Variants in DGKB observed in about 807,000 individuals in gnomAD.
DGKB encodes 90 kDa diacylglycerol kinase.
A neutral mutation model predicts 114.3 loss-of-function variants in DGKB; 67 were observed. The observed-to-expected ratio is 0.59, with a 90% CI of 0.48 to 0.72. The LOEUF (loss-of-function observed/expected upper bound fraction) is 0.72, where lower values mean the gene tolerates loss of function less well. Among genes scored for constraint, DGKB ranks in the 30% least tolerant of loss-of-function variants. The pLI, the probability that DGKB is intolerant of heterozygous loss-of-function variation, is 0.00. For missense variants in DGKB, 907 were observed against 975.2 expected, an observed-to-expected ratio of 0.93 and a Z score of 0.93; for synonymous variants, 398 against 323.1, an observed-to-expected ratio of 1.23 and a Z score of -2.49.
At chr7:14,625,434 T>C (rs1365103994) in intron 14 of DGKB, among the ~76,000 whole-genome samples, 2 of 152,154 alleles carry the variant, frequency 1.3e-5, no homozygotes. Context: ...TTTCACTAGC[T>C]TTTTTGGGAA....
At chr7:14,622,598 C>G (rs1421571915) in intron 14 of DGKB, among the ~76,000 whole-genome samples, 1 of 152,102 alleles carries the variant, frequency 6.6e-6, no homozygotes, top group East Asian at 1.9e-4. Flanking sequence ...AAATAAATCT[C>G]AAACTGGATG....
rs550852892 is a variant in DGKB at position 14,433,492 on chromosome 7, G to A, written c.1835+44669C>T. On this transcript the variant is annotated intron_variant, in intron 21 of 25. Transcript: ENST00000402815. ...GTTTATTTTCTCTATAGGCAAAAATGGGTAATAAGAAAGCGGAAGTATTCT... is the reference window on the plus strand; with the variant it reads ...GTTTATTTTCTCTATAGGCAAAAATAGGTAATAAGAAAGCGGAAGTATTCT... Among the ~76,000 whole-genome samples, 5 of 152,008 alleles carry A rather than the reference G, an allele frequency of 3.3e-5. No individual in the cohort carries two copies. In the East Asian group the frequency reaches 7.7e-4, roughly 24 times the overall value.
chr7:14,439,742 T>C (rs1829796274), intron 21 of DGKB, among the ~76,000 whole-genome samples: 1 of 151,494 alleles, frequency 6.6e-6, no homozygotes, highest in African/African-American at 2.4e-5. Flanking sequence ...CAGGTGCCTG[T>C]AATCCCAGCT....
rs75469786 is a variant in DGKB at position 14,635,281 on chromosome 7, C to T, written c.1135-5013G>A. On this transcript the variant is annotated intron_variant, in intron 13 of 25. Transcript: ENST00000402815. ...TTTATGTCTATTTGTAGAGTTTTGT[C>T]TGGAGGCTATTGACAAGAAGGGAAC... is the stretch of plus-strand genomic sequence containing the variant. 3.5e-3 allele frequency among the ~76,000 whole-genome samples: 305 copies of T among 87,290 alleles called. 20 individuals are homozygous for T. The highest frequency in any genetic ancestry group is 0.017 in the African/African-American group (280 of 16,436). The allele number at this position is 87,290 out of a possible 152,430, so 57.3% of individuals were successfully genotyped here.
chr7:14,439,076 A>C (rs1829690546), intron 21 of DGKB, among the ~76,000 whole-genome samples: 2 of 152,040 alleles, frequency 1.3e-5, no homozygotes, highest in Non-Finnish European at 2.9e-5. Flanking sequence ...CTCCAACTAA[A>C]GTGTCTTTAC....
chr7:14,445,750 G>T (rs1017836755), intron 21 of DGKB, among the ~76,000 whole-genome samples: 1 of 151,884 alleles, frequency 6.6e-6, no homozygotes, highest in Non-Finnish European at 1.5e-5. Flanking sequence ...AAAAAATAGT[G>T]TCCCTAATAA....
intron 23 of DGKB, among the ~76,000 whole-genome samples, chr7:14,270,048 C>CAA (rs397889901): frequency 0.025 from 1,320 of 52,358 alleles, 6 homozygotes; most frequent in Non-Finnish European, 0.029. Context: ...GCTTTTTTTG[C>CAA]AAAAAAAAAA....
In DGKB at chr7:14,178,167, T is replaced by G; in HGVS notation, c.2123-16A>C. 6.2e-7 allele frequency: 1 copy of G among 1,613,098 alleles called. No homozygotes were observed. Among genetic ancestry groups the G allele is most frequent in the Non-Finnish European group, 8.5e-7 (1 of 1,179,710 alleles). ...TCACTGAGATCTGAAAGAAAGTAGA[T>G]GCCTTTTAAGTTGCAATGTGTATAC... On this transcript the variant is annotated splice_polypyrimidine_tract_variant and intron_variant, in intron 23 of 25. Coordinates refer to ENST00000402815, the MANE Select transcript of DGKB (RefSeq NM_001350709.2).
At chr7:14,273,558 G>T (rs1473662591) in intron 23 of DGKB, among the ~76,000 whole-genome samples, 2 of 152,146 alleles carry the variant, frequency 1.3e-5, no homozygotes, top group Non-Finnish European at 2.9e-5. Flanking sequence ...TTACATTGTT[G>T]TATTGACACA....
intron 20 of DGKB, among the ~76,000 whole-genome samples, chr7:14,562,342 G>A (rs985889694): frequency 6.6e-6 from 1 of 152,192 alleles, no homozygotes; most frequent in East Asian, 1.9e-4. Context: ...GGAAATGTGG[G>A]GTTGGAGCCC....
intron 1 of DGKB, among the ~76,000 whole-genome samples, chr7:14,961,851 C>A (rs996493581): frequency 2.6e-5 from 4 of 152,038 alleles, no homozygotes; most frequent in African/African-American, 9.7e-5. Flanking sequence ...ACTTTGCTAG[C>A]CCCTCTAAAC....
At chr7:14,320,552 CTATATAGTACATATATATATGTGTACA>C (rs1354916675) in intron 23 of DGKB, among the ~76,000 whole-genome samples, 1 of 150,418 alleles carries the variant, frequency 6.6e-6, no homozygotes, top group Non-Finnish European at 1.5e-5. Context: ...CATATATGTA[CTATATAGTACATATATATATGTGTACA>C]TATATAGTAC....
At chr7:14,713,422 C>A (rs1420857610) in intron 6 of DGKB, among the ~76,000 whole-genome samples, 1 of 122,822 alleles carries the variant, frequency 8.1e-6, no homozygotes, top group Non-Finnish European at 1.9e-5. Flanking sequence ...ACTTTAAAAG[C>A]AGAGGTGAAA....
At chr7:14,297,411 A>G (rs923745056) in intron 23 of DGKB, among the ~76,000 whole-genome samples, 3 of 152,178 alleles carry the variant, frequency 2.0e-5, no homozygotes, top group Admixed American at 2.0e-4. Context: ...TACACAAATC[A>G]ATAAACGTAA....
At chr7:14,169,364 C>CAAAAAAAAA (rs35418998) in intron 25 of DGKB, among the ~76,000 whole-genome samples, 1,249 of 65,172 alleles carry the variant, frequency 0.019, 41 homozygotes, top group Non-Finnish European at 0.031. Flanking sequence ...GACTCCGTCT[C>CAAAAAAAAA]AAAAAAAAAA....
chr7:14,643,538 C>A (rs1341547405), intron 13 of DGKB, among the ~76,000 whole-genome samples: 1 of 152,134 alleles, frequency 6.6e-6, no homozygotes, highest in African/African-American at 2.4e-5. Flanking sequence ...AGGCTACAGT[C>A]TCATGAAACC....
At chr7:14,713,921 G>A (rs957378800) in intron 6 of DGKB, among the ~76,000 whole-genome samples, 11 of 151,922 alleles carry the variant, frequency 7.2e-5, no homozygotes, top group Admixed American at 6.6e-4. Context: ...TGAATATCAT[G>A]TATTTTAAAG....
intron 23 of DGKB, among the ~76,000 whole-genome samples, chr7:14,331,050 A>C (rs1272746185): frequency 6.6e-6 from 1 of 152,030 alleles, no homozygotes; most frequent in Non-Finnish European, 1.5e-5. Flanking sequence ...TGTAATCTTA[A>C]ATTTAACAGC....
At chr7:14,198,173 A>G (rs1441258150) in intron 23 of DGKB, among the ~76,000 whole-genome samples, 1 of 152,130 alleles carries the variant, frequency 6.6e-6, no homozygotes, top group Non-Finnish European at 1.5e-5. Context: ...CTTCGCATAA[A>G]TCATCAATAA....
Sources: allele counts gnomAD v4.1 joint callset (sites outside exome capture counted in the v4.1 genomes callset), GRCh38; gene constraint gnomAD v4.1.1; transcripts MANE v1.5; gene names NCBI Gene and HGNC (gene_info 2026-07-23, HGNC 2026-07-21).